Variants in TTC38 observed in about 807,000 individuals in gnomAD.
The protein encoded by TTC38 is tetratricopeptide repeat protein 38.
Under a neutral mutation model 64.2 loss-of-function variants are expected in TTC38, and 64 were observed. The observed-to-expected ratio is 1.00, with a 90% CI of 0.81 to 1.23. TTC38 has a LOEUF of 1.23. TTC38 is among the 50% of genes most tolerant of loss of function. The pLI is 0.00. For synonymous variants in TTC38, 254 were observed against 249.3 expected, an observed-to-expected ratio of 1.02 and a Z score of -0.18; for missense variants, 573 against 615.5, an observed-to-expected ratio of 0.93 and a Z score of 0.73.
At position 46,281,631 on chromosome 22, in the gene TTC38, G is replaced by T; in HGVS notation, c.648G>T (p.Ser216=). ...ALSINPTDAW[S]VHTVAHIHEM... ...CTATTAACCCGACAGACGCATGGTCGGTGCACACCGTCGCTCACATCCACG... is the reference window on the plus strand; with the variant it reads ...CTATTAACCCGACAGACGCATGGTCTGTGCACACCGTCGCTCACATCCACG... Residue 216 remains serine (S), a synonymous_variant, in exon 7 of 14, where the codon TCG becomes TCT. Coordinates refer to ENST00000381031, the MANE Select transcript of TTC38 (RefSeq NM_017931.4). The surrounding 1 kb of genome is among the most constrained non-coding windows in gnomAD (Gnocchi z 5.2). The T allele has an allele frequency of 2.5e-6, 4 of 1,614,118 alleles. No homozygotes were observed. Among genetic ancestry groups the T allele is most frequent in the Non-Finnish European group, 3.4e-6 (4 of 1,180,034 alleles).
intron 13 of TTC38, among the ~76,000 whole-genome samples, chr22:46,290,332 C>G (rs1363920367): frequency 1.3e-5 from 2 of 152,214 alleles, no homozygotes; most frequent in East Asian, 3.8e-4. Context: ...CACTGGCTAC[C>G]AGGAGCCCAT....
In TTC38 at chr22:46,268,079, G is replaced by T; in HGVS notation, c.33+7G>T. ...GCCTCTGCGCGACTGCCAGGTACAC[G>T]GAGGCTGCCCCCAACCAGGTCCCCC... On this transcript the variant is annotated splice_region_variant and intron_variant, in intron 1 of 13. Coordinates refer to ENST00000381031, the MANE Select transcript of TTC38 (RefSeq NM_017931.4). The T allele has an allele frequency of 6.5e-7, 1 of 1,541,570 alleles. No homozygotes were observed.
At chr22:46,280,829 G>A (rs1300824868) in intron 6 of TTC38, among the ~76,000 whole-genome samples, 2 of 152,230 alleles carry the variant, frequency 1.3e-5, no homozygotes, top group African/African-American at 2.4e-5. Flanking sequence ...GATTTGGCAT[G>A]GGGGACCTGG....
Position 46,270,344 on chromosome 22 carries a change from G to T in TTC38, c.111+1753G>T, listed in dbSNP as rs892140256. On this transcript the variant is annotated intron_variant, in intron 2 of 13. Coordinates refer to ENST00000381031, the MANE Select transcript of TTC38 (RefSeq NM_017931.4). This position sits in a 1 kb window ranked among gnomAD's most constrained non-coding sequence, Gnocchi z 4.7. ...GTTGAGACTGAAGTGAGCTGTGATT[G>T]TGCCACTGTACTCCATCCTGGGCAA... Among the ~76,000 whole-genome samples the T allele has an allele frequency of 7.9e-5, 12 of 151,532 alleles. No individual in the cohort carries two copies. Among genetic ancestry groups the T allele is most frequent in the Non-Finnish European group, 1.8e-4 (12 of 67,946 alleles).
chr22:46,280,934 G>C (rs1378535004), intron 6 of TTC38, among the ~76,000 whole-genome samples: 1 of 152,252 alleles, frequency 6.6e-6, no homozygotes, highest in Non-Finnish European at 1.5e-5. Context: ...GCAAACATGA[G>C]CTGAACACAT....
chr22:46,289,144 T>C (rs559019248), intron 11 of TTC38, among the ~76,000 whole-genome samples: 1 of 152,234 alleles, frequency 6.6e-6, no homozygotes, highest in Non-Finnish European at 1.5e-5. Context: ...GGCACTGTTA[T>C]GCCTGCTTAC....
At chr22:46,268,736 G>C in intron 2 of TTC38, 145 bp downstream of exon 2, 4 of 748,312 alleles carry the variant, frequency 5.3e-6, no homozygotes, top group South Asian at 5.2e-5. Context: ...CCAGGCTGGA[G>C]TGCAGTGGCG....
intron 9 of TTC38, among the ~76,000 whole-genome samples, chr22:46,286,635 C>G (rs1229986695): frequency 6.6e-6 from 1 of 150,672 alleles, no homozygotes; most frequent in Non-Finnish European, 1.5e-5. Flanking sequence ...GCACTCCAGC[C>G]TGGGCGACAG....
Position 46,278,635 on chromosome 22 carries a change from G to T in TTC38, c.589G>T (p.Asp197Tyr), listed in dbSNP as rs753722029. ...TGGCTTGATGGAAACCAACTTCTAC[G>T]ACCAGGCAGAAAAACTCGCCAAAGA... ...SFGLMETNFY[D>Y]QAEKLAKEAL... The change falls in exon 6 of 14, where the codon GAC (aspartate) becomes TAC (tyrosine). Residue 197 changes from aspartate (D) to tyrosine (Y), a missense_variant. Asp to Tyr is a radical substitution (Grantham distance 160, BLOSUM62 -3). Transcript: ENST00000381031. 1 of 1,613,878 alleles carries T rather than the reference G, an allele frequency of 6.2e-7. No individual in the cohort carries two copies.
rs1232147489 is a variant in TTC38 at position 46,275,407 on chromosome 22, C to T, written c.525C>T (p.Asp175=). 5.0e-6 allele frequency: 8 copies of T among 1,613,876 alleles called. No homozygotes were observed. Among genetic ancestry groups the T allele is most frequent in the Admixed American group, 1.7e-5 (1 of 59,980 alleles). The change falls in exon 5 of 14, where the codon GAC becomes GAT. Residue 175 remains aspartate (D), a synonymous_variant. Transcript: ENST00000381031. The surrounding 1 kb of genome is among the most constrained non-coding windows in gnomAD (Gnocchi z 4.5). ...GAATTTACCCCTTCTGGACACCTGA[C>T]ATCCCCCTAAGCAGGTATGTGCCAG... ...VARIYPFWTP[D]IPLSSYVKGI... is the part of the protein sequence containing the mutation.
chr22:46,289,855 C>T lies in TTC38; in HGVS notation c.1272C>T (p.His424=), dbSNP rs530056986. The part of the protein sequence containing the change: ...QRDVFNQLLI[H]AALNCTSSVH... ...ACGTCTTCAACCAGCTGCTGATTCA[C>T]GCGGCCTTAAACTGCACCTCCAGCG... is the stretch of plus-strand genomic sequence containing the variant. The change falls in exon 13 of 14, where the codon CAC becomes CAT. Residue 424 remains histidine (H), a synonymous_variant. Transcript: ENST00000381031. 3.7e-5 allele frequency: 59 copies of T among 1,614,182 alleles called. No individual in the cohort carries two copies. The highest frequency in any genetic ancestry group is 1.8e-4 in the Admixed American group (11 of 60,026).
intron 6 of TTC38, among the ~76,000 whole-genome samples, chr22:46,279,680 C>T (rs757417049): frequency 8.5e-5 from 13 of 152,206 alleles, no homozygotes; most frequent in African/African-American, 2.4e-4. Context: ...TTACAGAATC[C>T]GAGACTTGAG....
At position 46,289,865 on chromosome 22, in the gene TTC38, A is replaced by C; in HGVS notation, c.1282A>C (p.Asn428His). The change falls in exon 13 of 14, where the codon AAC becomes CAC. Residue 428 changes from asparagine (N) to histidine (H), a missense_variant. Physicochemically the swap from Asn to His is moderately conservative, Grantham distance 68. Coordinates refer to ENST00000381031, the MANE Select transcript of TTC38 (RefSeq NM_017931.4). ...FNQLLIHAAL[N>H]CTSSVHKNVA... ...CCAGCTGCTGATTCACGCGGCCTTA[A>C]ACTGCACCTCCAGCGTCCATAAGAA... 2.5e-6 allele frequency: 4 copies of C among 1,614,064 alleles called. No individual in the cohort carries two copies. The highest frequency in any genetic ancestry group is 3.4e-6 in the Non-Finnish European group (4 of 1,180,002).
rs1428751173 is a variant in TTC38 at position 46,285,114 on chromosome 22, C to T, written c.796-127C>T. On this transcript the variant is annotated intron_variant, in intron 8 of 13. Coordinates refer to ENST00000381031, the MANE Select transcript of TTC38 (RefSeq NM_017931.4). Reference sequence around the variant, plus strand: ...TGCCACCAAGACACCGTCCGTCCACCTCTGAGAGGAGGTGGAGGCCGGAGA... The same window carrying T: ...TGCCACCAAGACACCGTCCGTCCACTTCTGAGAGGAGGTGGAGGCCGGAGA... 13 of 813,316 alleles carry T rather than the reference C, an allele frequency of 1.6e-5. No individual in the cohort carries two copies. The East Asian group carries it at 3.0e-4, about 19-fold the overall frequency. The allele number at this position is 813,316 out of a possible 1,614,324, so 50.4% of individuals were successfully genotyped here.
intron 8 of TTC38, among the ~76,000 whole-genome samples, chr22:46,284,372 G>A (rs1433479193): frequency 2.6e-5 from 4 of 152,210 alleles, no homozygotes; most frequent in African/African-American, 7.2e-5. Flanking sequence ...GGACACCCTT[G>A]ACCCCAGTGA....
rs994284929 is a variant in TTC38 at position 46,273,657 on chromosome 22, C to T, written c.194-241C>T. Among the ~76,000 whole-genome samples the T allele has an allele frequency of 6.6e-6, 1 of 152,346 alleles. No individual in the cohort carries two copies. Among genetic ancestry groups the T allele is most frequent in the East Asian group, 1.9e-4 (1 of 5,184 alleles). ...GGGGAAGGTGCTTTAGACACTGGCA[C>T]TCAGCAGAATGCCCTCACTAGAAAA... On this transcript the variant is annotated intron_variant, in intron 3 of 13. Transcript: ENST00000381031. This position sits in a 1 kb window ranked among gnomAD's most constrained non-coding sequence, Gnocchi z 5.1.
In TTC38 at chr22:46,273,870, C is replaced by A; in HGVS notation, c.194-28C>A. On this transcript the variant is annotated intron_variant, in intron 3 of 13. Transcript: ENST00000381031. This position sits in a 1 kb window ranked among gnomAD's most constrained non-coding sequence, Gnocchi z 5.1. ...ATGGGCTGAGCTGGACCATCTGAAC[C>A]ACCAGCCGTTCTCTAACCTCCCACC... The A allele has an allele frequency of 6.2e-7, 1 of 1,612,768 alleles. No individual in the cohort carries two copies. The highest frequency in any genetic ancestry group is 1.1e-5 in the South Asian group (1 of 90,996).
chr22:46,281,473 G>T lies in TTC38; in HGVS notation c.616-126G>T. Reference sequence around the variant, plus strand: ...TGTCAGTGTTTTGAGTCAGAGCCCCGCCCCCCCACTTGCTCCACCCCGTTC... The same window carrying T: ...TGTCAGTGTTTTGAGTCAGAGCCCCTCCCCCCCACTTGCTCCACCCCGTTC... On this transcript the variant is annotated intron_variant, in intron 6 of 13. Coordinates refer to ENST00000381031, the MANE Select transcript of TTC38 (RefSeq NM_017931.4). The surrounding 1 kb of genome is among the most constrained non-coding windows in gnomAD (Gnocchi z 5.2). The T allele has an allele frequency of 4.1e-6, 3 of 727,994 alleles. No individual in the cohort carries two copies. The highest frequency in any genetic ancestry group is 6.7e-6 in the Non-Finnish European group (3 of 446,116). 45.1% of individuals were successfully genotyped at this position (727,994 alleles called of 1,614,324 possible).
rs1024346398 is a variant in TTC38, at chr22:46,276,325, C to A, written c.539+904C>A. Among the ~76,000 whole-genome samples, 1 of 152,058 alleles carries A rather than the reference C, an allele frequency of 6.6e-6. No homozygotes were observed. The highest frequency in any genetic ancestry group is 2.4e-5 in the African/African-American group (1 of 41,386). ...AGGGGCCTCCGTCTTTCTCTTAAGG[C>A]CTTTAACTGATTGGATGAGGCCCAC... On this transcript the variant is annotated intron_variant, in intron 5 of 13. Coordinates refer to ENST00000381031, the MANE Select transcript of TTC38 (RefSeq NM_017931.4). The surrounding 1 kb of genome is among the most constrained non-coding windows in gnomAD (Gnocchi z 4.7).
Sources: allele counts gnomAD v4.1 joint callset (sites outside exome capture counted in the v4.1 genomes callset), GRCh38; gene constraint gnomAD v4.1.1; non-coding constraint Gnocchi (gnomAD v3.1); transcripts MANE v1.5; gene names NCBI Gene and HGNC (gene_info 2026-07-23, HGNC 2026-07-21).